Variants in FRAS1 observed in about 807,000 individuals in gnomAD.
FRAS1 encodes the protein Fraser extracellular matrix complex subunit 1, also known as extracellular matrix organizing protein FRAS1.
Under a neutral mutation model 435.2 loss-of-function variants are expected in FRAS1, and 290 were observed. The observed-to-expected ratio is 0.67, with a 90% CI of 0.61 to 0.73. The LOEUF is 0.73. FRAS1 is among the 30% of genes least tolerant of loss of function. The pLI is 0.00. For synonymous variants in FRAS1, 1,800 were observed against 1,851.0 expected, an observed-to-expected ratio of 0.97 and a Z score of 0.71; for missense variants, 4,860 against 5,001.5, an observed-to-expected ratio of 0.97 and a Z score of 0.85.
chr4:78,348,118 G>A lies in FRAS1; in HGVS notation c.2422+10301G>A, dbSNP rs374405046. 2.7e-4 allele frequency among the ~76,000 whole-genome samples: 11 copies of A among 41,076 alleles called. 4 individuals are homozygous for A. The South Asian group carries it at 4.9e-3, about 18-fold the overall frequency. The allele number at this position is 41,076 out of a possible 152,430, so 26.9% of individuals were successfully genotyped here. A position where few individuals can be genotyped will look rare whatever the true frequency, so the allele number is the denominator to read the frequency against. ...CACTAGGGAGTGCCAGACAGTGGGC[G>A]CAGGCCAGTGTGTGTGCGCACTGTG... is the stretch of plus-strand genomic sequence containing the variant. On this transcript the variant is annotated intron_variant, in intron 20 of 73. Transcript: ENST00000512123.
At chr4:78,405,501 A>T (rs1230520517) in intron 30 of FRAS1, among the ~76,000 whole-genome samples, 5 of 152,156 alleles carry the variant, frequency 3.3e-5, no homozygotes, top group Non-Finnish European at 7.4e-5. Flanking sequence ...TAGTGTAGTC[A>T]TGTTTCTCTC....
At chr4:78,126,740 C>T (rs533905070) in intron 2 of FRAS1, among the ~76,000 whole-genome samples, 25 of 152,228 alleles carry the variant, frequency 1.6e-4, no homozygotes, top group Admixed American at 6.5e-4. Flanking sequence ...AATCACATCA[C>T]GTGTCTAATC....
intron 2 of FRAS1, among the ~76,000 whole-genome samples, chr4:78,125,372 G>GT (rs1157577520): frequency 3.9e-5 from 6 of 152,146 alleles, no homozygotes; most frequent in South Asian, 2.1e-4. Context: ...TATAATTTCT[G>GT]TTTTTTTACA....
chr4:78,316,695 C>G (rs1193338864), intron 16 of FRAS1, among the ~76,000 whole-genome samples: 1 of 152,146 alleles, frequency 6.6e-6, no homozygotes, highest in Non-Finnish European at 1.5e-5. Flanking sequence ...GACATGTGTT[C>G]CTGACATTGT....
At chr4:78,343,461 A>T in intron 20 of FRAS1, among the ~76,000 whole-genome samples, 1 of 112,376 alleles carries the variant, frequency 8.9e-6, no homozygotes, top group Non-Finnish European at 1.7e-5. Context: ...CTTCTACCCT[A>T]CCTTCTTTCT....
At chr4:78,226,758 T>TA (rs1315130045) in intron 2 of FRAS1, among the ~76,000 whole-genome samples, 2 of 152,206 alleles carry the variant, frequency 1.3e-5, no homozygotes, top group South Asian at 2.1e-4. Context: ...GGCCATATTT[T>TA]AAAAAAATTT....
rs1340248278 is a variant in FRAS1, at chr4:78,106,100, C to A, written c.108+40084C>A. The stretch of plus-strand genomic sequence containing the variant: ...CACACCTGGCTCAGAGGGTCCTATG[C>A]CCACGGAATCTCGCTGATTGCTAGC... On this transcript the variant is annotated intron_variant, in intron 2 of 73. Coordinates refer to ENST00000512123, the MANE Select transcript of FRAS1 (RefSeq NM_025074.7). Among the ~76,000 whole-genome samples the A allele has an allele frequency of 3.4e-5, 4 of 118,860 alleles. 1 individual carries two copies. The highest frequency in any genetic ancestry group is 7.2e-5 in the Non-Finnish European group (4 of 55,646). The allele number at this position is 118,860 out of a possible 152,430, so 78.0% of individuals were successfully genotyped here. A position where few individuals can be genotyped will look rare whatever the true frequency, so the allele number is the denominator to read the frequency against.
At chr4:78,131,566 G>T (rs550467201) in intron 2 of FRAS1, among the ~76,000 whole-genome samples, 14 of 152,220 alleles carry the variant, frequency 9.2e-5, no homozygotes, top group Non-Finnish European at 1.6e-4. Flanking sequence ...CATAATAAAA[G>T]CAGCGTGGGC....
chr4:78,057,951 C>T lies in FRAS1; in HGVS notation c.-59C>T. 5 of 1,546,366 alleles carry T rather than the reference C, an allele frequency of 3.2e-6. No individual in the cohort carries two copies. Among genetic ancestry groups the T allele is most frequent in the African/African-American group, 1.4e-5 (1 of 73,518 alleles). On this transcript the variant is annotated 5_prime_UTR_variant, in exon 1 of 74. Transcript: ENST00000512123. The surrounding 1 kb of genome is among the most constrained non-coding windows in gnomAD (Gnocchi z 4.2). ...CCAAGCGCCGGAGCCAGCGTTTTGG[C>T]GGAGCCGCTTCTTGGATGCTGAAGG...
chr4:78,442,035 G>T (rs1331702734), intron 41 of FRAS1, among the ~76,000 whole-genome samples: 1 of 152,220 alleles, frequency 6.6e-6, no homozygotes, highest in Non-Finnish European at 1.5e-5. Flanking sequence ...CCAGCACTGG[G>T]CTCTAATTGG....
chr4:78,301,142 ACCAAGCTGCTTG>A (rs1728373185), intron 14 of FRAS1, among the ~76,000 whole-genome samples: 1 of 152,200 alleles, frequency 6.6e-6, no homozygotes, highest in African/African-American at 2.4e-5. Flanking sequence ...AGGTAGGGTT[ACCAAGCTGCTTG>A]CAAGCAGCAA....
chr4:78,490,453 A>G (rs1286739756), intron 59 of FRAS1, among the ~76,000 whole-genome samples: 1 of 152,170 alleles, frequency 6.6e-6, no homozygotes, highest in African/African-American at 2.4e-5. Flanking sequence ...CATAACAAAC[A>G]GTCTCTCAGA....
intron 2 of FRAS1, among the ~76,000 whole-genome samples, chr4:78,115,326 G>T (rs188781137): frequency 4.8e-4 from 73 of 152,240 alleles, no homozygotes; most frequent in Non-Finnish European, 6.3e-4. Context: ...TTTGGTATCA[G>T]GATGATGCTG....
intron 40 of FRAS1, 148 bp downstream of exon 40, chr4:78,439,212 A>G (rs534103494): frequency 6.0e-6 from 4 of 661,854 alleles, no homozygotes; most frequent in African/African-American, 5.6e-5. Context: ...ATGGTTTTCA[A>G]TCATGAGTGT....
chr4:78,259,920 A>C (rs1227659476), intron 6 of FRAS1, among the ~76,000 whole-genome samples: 1 of 152,182 alleles, frequency 6.6e-6, no homozygotes, highest in Non-Finnish European at 1.5e-5. Context: ...TCAGCTTTCT[A>C]CCTATGGCTA....
intron 2 of FRAS1, among the ~76,000 whole-genome samples, chr4:78,145,333 C>A (rs1018083837): frequency 6.6e-6 from 1 of 152,276 alleles, no homozygotes; most frequent in Admixed American, 6.5e-5. Context: ...CAGTTAATTT[C>A]TAAGATGTTT....
chr4:78,065,997 A>G lies in FRAS1; in HGVS notation c.89A>G (p.Tyr30Cys). ...TTTTTCCCCACAGGTGCTTGTGTCT[A>G]TCAGGATTCCTTGTTGGCGGTAGGT... Reference protein sequence around the residue: ...LPHHSEGACVYQDSLLADATI... With the variant: ...LPHHSEGACVCQDSLLADATI... Residue 30 changes from tyrosine (Y) to cysteine (C), a missense_variant, in exon 2 of 74, where the codon TAT (tyrosine) becomes TGT (cysteine). By Grantham distance (194) the Tyr-to-Cys change is radical. Coordinates refer to ENST00000512123, the MANE Select transcript of FRAS1 (RefSeq NM_025074.7). The G allele has an allele frequency of 1.9e-6, 3 of 1,607,646 alleles. No individual in the cohort carries two copies. The highest frequency in any genetic ancestry group is 2.2e-5 in the East Asian group (1 of 44,818).
intron 49 of FRAS1, among the ~76,000 whole-genome samples, chr4:78,464,977 G>A (rs563063716): frequency 1.1e-3 from 160 of 152,136 alleles, no homozygotes; most frequent in African/African-American, 3.3e-3. Flanking sequence ...TCCTTCATCC[G>A]GACTTCTCTG....
At chr4:78,314,171 T>C (rs1400092448) in intron 15 of FRAS1, among the ~76,000 whole-genome samples, 1 of 152,124 alleles carries the variant, frequency 6.6e-6, no homozygotes, top group Non-Finnish European at 1.5e-5. Context: ...CCTGCATACT[T>C]TTCCTGAATC....
Sources: allele counts gnomAD v4.1 joint callset (sites outside exome capture counted in the v4.1 genomes callset), GRCh38; gene constraint gnomAD v4.1.1; non-coding constraint Gnocchi (gnomAD v3.1); transcripts MANE v1.5; gene names NCBI Gene and HGNC (gene_info 2026-07-23, HGNC 2026-07-21).